LAMA3: variants seen among roughly 807,000 people sequenced by gnomAD.
LAMA3 encodes laminin subunit alpha 3.
In LAMA3, 281 loss-of-function variants were observed where a neutral mutation model predicts 402.0. The ratio of observed to expected loss-of-function variants is 0.70; its 90% CI spans 0.63 to 0.77. LAMA3 has a LOEUF of 0.77. Among genes scored for constraint, LAMA3 ranks in the 30% least tolerant of loss-of-function variants. LAMA3 has a pLI of 0.00. For synonymous variants in LAMA3, 1,431 were observed against 1,558.4 expected, an observed-to-expected ratio of 0.92 and a Z score of 1.93; for missense variants, 3,840 against 4,215.5, an observed-to-expected ratio of 0.91 and a Z score of 2.47.
At chr18:23,897,856 C>T (rs895656562) in intron 44 of LAMA3, among the ~76,000 whole-genome samples, 1 of 152,088 alleles carries the variant, frequency 6.6e-6, no homozygotes, top group Non-Finnish European at 1.5e-5. Context: ...TACATTAGCT[C>T]GCTTATCACC....
At chr18:23,935,092 T>G (rs1240171825) in intron 67 of LAMA3, among the ~76,000 whole-genome samples, 1 of 152,188 alleles carries the variant, frequency 6.6e-6, no homozygotes, top group East Asian at 1.9e-4. Context: ...ATTAGCCCAG[T>G]GATGGTGAAC....
chr18:23,738,925 A>G (rs2061519972), intron 2 of LAMA3, among the ~76,000 whole-genome samples: 1 of 152,202 alleles, frequency 6.6e-6, no homozygotes, highest in South Asian at 2.1e-4. Flanking sequence ...TTCAGCTTCT[A>G]AAGTTGGAGT....
intron 12 of LAMA3, among the ~76,000 whole-genome samples, chr18:23,794,381 C>T (rs55658596): frequency 0.033 from 4,975 of 152,270 alleles, 266 homozygotes; most frequent in African/African-American, 0.11. Context: ...AAACTGTGGG[C>T]GAAAACCGCT....
chr18:23,771,397 TTGAA>T (rs1486498974), intron 8 of LAMA3, among the ~76,000 whole-genome samples: 2 of 152,204 alleles, frequency 1.3e-5, no homozygotes, highest in Non-Finnish European at 2.9e-5. Flanking sequence ...GTGGTTGACT[TTGAA>T]GAGTTGATGA....
chr18:23,826,816 A>C lies in LAMA3; in HGVS notation c.2669+17A>C. The C allele has an allele frequency of 6.7e-7, 1 of 1,499,496 alleles. No homozygotes were observed. The allele number at this position is 1,499,496 out of a possible 1,614,324, so 92.9% of individuals were successfully genotyped here. Reference sequence around the variant, plus strand: ...CCAAGAAAAGTCAGTGTGGGGCAGAAGGTGCAGCCGCATCATTGGGGTCCT... The same window carrying C: ...CCAAGAAAAGTCAGTGTGGGGCAGACGGTGCAGCCGCATCATTGGGGTCCT... On this transcript the variant is annotated intron_variant, in intron 22 of 74. Coordinates refer to ENST00000313654, the MANE Select transcript of LAMA3 (RefSeq NM_198129.4).
At chr18:23,718,920 G>A (rs1034535509) in intron 2 of LAMA3, among the ~76,000 whole-genome samples, 7 of 152,230 alleles carry the variant, frequency 4.6e-5, no homozygotes, top group African/African-American at 1.7e-4. Flanking sequence ...CATCCCAAGA[G>A]GGATGATAGT....
chr18:23,921,418 G>C (rs780604494), intron 61 of LAMA3, 34 bp from the exon 62 acceptor site: 2 of 1,606,826 alleles, frequency 1.2e-6, no homozygotes, highest in African/African-American at 1.3e-5. Context: ...TCTTATTTTC[G>C]CTGGCTTGCT....
chr18:23,696,001 C>T (rs2060680551), intron 1 of LAMA3, among the ~76,000 whole-genome samples: 1 of 151,754 alleles, frequency 6.6e-6, no homozygotes, highest in Non-Finnish European at 1.5e-5. Context: ...TCCTCCACTA[C>T]TAGTGAGGGC....
intron 20 of LAMA3, 82 bp from the exon 21 acceptor site, chr18:23,824,341 T>C (rs556878966): frequency 2.8e-6 from 4 of 1,440,674 alleles, no homozygotes; most frequent in East Asian, 2.3e-5. Context: ...AGATGTAAAC[T>C]GAATGTTCAA....
intron 37 of LAMA3, among the ~76,000 whole-genome samples, chr18:23,869,557 A>G (rs1166304743): frequency 6.6e-6 from 1 of 152,236 alleles, no homozygotes; most frequent in African/African-American, 2.4e-5. Context: ...TTATTCCTTA[A>G]GCTGCTAAAA....
At chr18:23,873,276 A>C in intron 38 of LAMA3, 1 of 1,439,084 alleles carries the variant, frequency 6.9e-7, no homozygotes. Context: ...GTGACATTTT[A>C]AGTTACAGTT....
Position 23,903,122 on chromosome 18 carries a change from GA to G in LAMA3, c.6317del (p.Lys2106ArgfsTer6). ...IALQLMEKSQKEYEKLAASLN... is the reference protein window; with the variant it reads ...IALQLMEKSQXEYEKLAASLN... Reference sequence around the variant, plus strand: ...CGCTGCAGCTGATGGAGAAAAGCCAGAAGGTAGAGGAAATAGTTGTTCTCTA... The same window carrying G: ...CGCTGCAGCTGATGGAGAAAAGCCAGAGGTAGAGGAAATAGTTGTTCTCTA... On this transcript the variant is annotated frameshift_variant and splice_region_variant, in exon 49 of 75. Coordinates refer to ENST00000313654, the MANE Select transcript of LAMA3 (RefSeq NM_198129.4). LOFTEE classifies it high-confidence loss of function. The G allele has an allele frequency of 6.4e-7, 1 of 1,572,302 alleles. No homozygotes were observed. The highest frequency in any genetic ancestry group is 8.8e-7 in the Non-Finnish European group (1 of 1,141,986).
At chr18:23,920,066 A>G (rs2081777752) in intron 60 of LAMA3, among the ~76,000 whole-genome samples, 2 of 152,126 alleles carry the variant, frequency 1.3e-5, no homozygotes, top group Admixed American at 1.3e-4. Context: ...AAGAAAAAAA[A>G]TGACTCCTAG....
chr18:23,790,481 T>C (rs2062628852), intron 12 of LAMA3, among the ~76,000 whole-genome samples: 1 of 152,250 alleles, frequency 6.6e-6, no homozygotes, highest in South Asian at 2.1e-4. Flanking sequence ...GGCCAAAAAG[T>C]TTGGAAACTG....
intron 44 of LAMA3, among the ~76,000 whole-genome samples, chr18:23,896,063 T>C (rs892588617): frequency 3.9e-5 from 6 of 152,204 alleles, no homozygotes; most frequent in Non-Finnish European, 8.8e-5. Context: ...TGACCAGGCA[T>C]GGTGGCTCAT....
intron 42 of LAMA3, among the ~76,000 whole-genome samples, chr18:23,893,701 A>T (rs1281138655): frequency 6.6e-6 from 1 of 152,160 alleles, no homozygotes; most frequent in Non-Finnish European, 1.5e-5. Context: ...ACTGTTTTGT[A>T]ACTTGTCTGC....
At chr18:23,737,556 C>A (rs2146041568) in intron 2 of LAMA3, among the ~76,000 whole-genome samples, 1 of 152,342 alleles carries the variant, frequency 6.6e-6, no homozygotes. Context: ...GTTCTGACAT[C>A]CTGATCCAAG....
chr18:23,749,855 C>G (rs1341959801), intron 4 of LAMA3, among the ~76,000 whole-genome samples: 1 of 151,984 alleles, frequency 6.6e-6, no homozygotes, highest in African/African-American at 2.4e-5. Flanking sequence ...AAATGATGAC[C>G]CCTTACCTCT....
intron 59 of LAMA3, among the ~76,000 whole-genome samples, chr18:23,916,005 C>CAAAA (rs1408575781): frequency 1.2e-4 from 5 of 41,954 alleles, no homozygotes; most frequent in African/African-American, 4.1e-4. Context: ...GACTCCATCT[C>CAAAA]CAAAAAAAAA....
Sources: allele counts gnomAD v4.1 joint callset (sites outside exome capture counted in the v4.1 genomes callset), GRCh38; gene constraint gnomAD v4.1.1; transcripts MANE v1.5; gene names NCBI Gene and HGNC (gene_info 2026-07-23, HGNC 2026-07-21).